HOXA3: variants seen among roughly 807,000 people sequenced by gnomAD.
The protein encoded by HOXA3 is homeobox A3, also known as homeobox protein Hox-A3.
Under a neutral mutation model 30.3 loss-of-function variants are expected in HOXA3, and 8 were observed. The ratio of observed to expected loss-of-function variants is 0.26; its 90% CI spans 0.15 to 0.48. The LOEUF (loss-of-function observed/expected upper bound fraction) is 0.48. Ranked by LOEUF, HOXA3 falls within the 20% of genes least tolerant of loss-of-function variation. The pLI, the probability that HOXA3 is intolerant of heterozygous loss-of-function variation, is 0.99. For missense variants in HOXA3, 653 were observed against 614.4 expected, an observed-to-expected ratio of 1.06 and a Z score of -0.66; for synonymous variants, 323 against 273.1, an observed-to-expected ratio of 1.18 and a Z score of -1.80.
At chr7:27,130,053 C>G in intron 2 of HOXA3, 6 of 1,511,836 alleles carry the variant, frequency 4.0e-6, no homozygotes, top group Non-Finnish European at 5.3e-6. Context: ...CCCTCCTGAC[C>G]CCGACCCTCG....
In HOXA3 at chr7:27,131,223, T is replaced by G. The variant is rs530894762; in HGVS notation, c.-389-4153A>C. On this transcript the variant is annotated intron_variant, in intron 2 of 5. Coordinates refer to ENST00000612286, the MANE Select transcript of HOXA3 (RefSeq NM_153631.3). ...AGCGCTGACCTCGGGCGCAACCCAGTCAGGCTTCGTGTCCTTCAGGGGTTC... is the reference window on the plus strand; with the variant it reads ...AGCGCTGACCTCGGGCGCAACCCAGGCAGGCTTCGTGTCCTTCAGGGGTTC... Among the ~76,000 whole-genome samples the G allele has an allele frequency of 7.2e-4, 110 of 152,334 alleles. 2 individuals are homozygous for G. Among genetic ancestry groups the G allele is most frequent in the Non-Finnish European group, 1.4e-3 (95 of 68,034 alleles).
intron 2 of HOXA3, chr7:27,129,387 C>G (rs1063494): frequency 6.2e-7 from 1 of 1,613,996 alleles, no homozygotes; most frequent in Non-Finnish European, 8.5e-7. Flanking sequence ...TCCACTTCAT[C>G]CTCCGGTTCT....
At position 27,143,128 on chromosome 7, in the gene HOXA3, C is replaced by T. The variant is rs202017218; in HGVS notation, c.-493-2942G>A. On this transcript the variant is annotated intron_variant, in intron 1 of 5. Transcript: ENST00000612286. ...CCGGGCTCGGCTCGCTCTGCGCACTCGCCTGCTCGCTGCTGGCAGGGGCGT... is the reference window on the plus strand; with the variant it reads ...CCGGGCTCGGCTCGCTCTGCGCACTTGCCTGCTCGCTGCTGGCAGGGGCGT... The T allele has an allele frequency of 3.7e-6, 6 of 1,606,854 alleles. No homozygotes were observed. The highest frequency in any genetic ancestry group is 1.3e-5 in the African/African-American group (1 of 74,164).
rs541863699 is a variant in HOXA3, at chr7:27,140,844, C to T, written c.-493-658G>A. 2.0e-5 allele frequency among the ~76,000 whole-genome samples: 3 copies of T among 152,244 alleles called. No homozygotes were observed. The East Asian group carries it at 5.8e-4, about 29-fold the overall frequency. ...CAGAGATGGACAGGGTGTTCTGGGGCTTTGGAACAGCCTACAGCTTTTTCC... is the reference window on the plus strand; with the variant it reads ...CAGAGATGGACAGGGTGTTCTGGGGTTTTGGAACAGCCTACAGCTTTTTCC... On this transcript the variant is annotated intron_variant, in intron 1 of 5. Coordinates refer to ENST00000612286, the MANE Select transcript of HOXA3 (RefSeq NM_153631.3).
At chr7:27,124,816 C>T (rs1426730930) in intron 3 of HOXA3, among the ~76,000 whole-genome samples, 6 of 152,182 alleles carry the variant, frequency 3.9e-5, no homozygotes, top group African/African-American at 1.4e-4. Context: ...GGGGCACATT[C>T]ATCCTTGCCC....
chr7:27,140,230 G>A (rs961400636), intron 1 of HOXA3, 44 bp from the exon 2 acceptor site: 13 of 152,088 alleles, frequency 8.5e-5, no homozygotes, highest in African/African-American at 2.9e-4. Flanking sequence ...GAGATTATAT[G>A]TTATGTGGTA....
At chr7:27,109,278 G>A (rs901932193) in intron 5 of HOXA3, among the ~76,000 whole-genome samples, 9 of 152,304 alleles carry the variant, frequency 5.9e-5, no homozygotes, top group African/African-American at 2.2e-4. Context: ...TTCTGGTGGG[G>A]AGGCCTAGGC....
At chr7:27,111,513 T>TGTGTGTGTGTGTGTGTGTGTG (rs1554336191) in intron 4 of HOXA3, among the ~76,000 whole-genome samples, 3 of 148,484 alleles carry the variant, frequency 2.0e-5, no homozygotes, top group South Asian at 2.2e-4. Context: ...TGTGTGTGTG[T>TGTGTGTGTGTGTGTGTGTGTG]TTAGGGTGAG....
chr7:27,145,446 GGTTTTGTTTT>G (rs142508258), intron 1 of HOXA3: 29,223 of 330,466 alleles, frequency 0.088, 1,604 homozygotes, highest in African/African-American at 0.19. Flanking sequence ...CTGTGTGTGA[GGTTTTGTTTT>G]GTTTTGTTTT....
At chr7:27,137,727 A>C (rs1440955804) in intron 2 of HOXA3, among the ~76,000 whole-genome samples, 2 of 152,200 alleles carry the variant, frequency 1.3e-5, no homozygotes, top group East Asian at 3.8e-4. Context: ...AATTCTACTT[A>C]AGTTTTGTGA....
intron 1 of HOXA3, chr7:27,150,229 G>A (rs1782923343): frequency 1.3e-5 from 2 of 151,932 alleles, no homozygotes; most frequent in Admixed American, 6.6e-5. Flanking sequence ...CCCTCCAAAG[G>A]GCCTCTCCTG....
chr7:27,137,346 T>G lies in HOXA3; in HGVS notation c.-390+2737A>C, dbSNP rs569325974. ...TAAGTAAGTGTGACCAGAAGCTTCC[T>G]GTTGTATTTATAGTTCAGAAATATT... On this transcript the variant is annotated intron_variant, in intron 2 of 5. Transcript: ENST00000612286. 2.9e-4 allele frequency among the ~76,000 whole-genome samples: 44 copies of G among 152,330 alleles called. 1 individual carries two copies. The South Asian group carries it at 5.2e-3, about 18-fold the overall frequency.
chr7:27,138,781 T>C (rs1280257539), intron 2 of HOXA3, among the ~76,000 whole-genome samples: 1 of 152,160 alleles, frequency 6.6e-6, no homozygotes, highest in Non-Finnish European at 1.5e-5. Context: ...AAATCATAGA[T>C]TATGTAAATT....
chr7:27,119,921 CCTAT>C (rs1784918527), intron 4 of HOXA3, among the ~76,000 whole-genome samples: 2 of 152,062 alleles, frequency 1.3e-5, no homozygotes, highest in Non-Finnish European at 2.9e-5. Flanking sequence ...TTTTCCAGCT[CCTAT>C]CTAAGTTACA....
intron 1 of HOXA3, chr7:27,141,788 T>C (rs1247665826): frequency 6.3e-7 from 1 of 1,595,464 alleles, no homozygotes; most frequent in South Asian, 1.1e-5. Context: ...GTACTGACAC[T>C]ACGCGGGATC....
chr7:27,147,702 G>A, intron 1 of HOXA3: 4 of 1,612,662 alleles, frequency 2.5e-6, no homozygotes, highest in Non-Finnish European at 3.4e-6. Flanking sequence ...AGTCCTGGCC[G>A]CTGGGAAGGC....
rs774936035 is a variant in HOXA3, at chr7:27,110,224, G to A, written c.417C>T (p.Asn139=). The A allele has an allele frequency of 6.2e-6, 10 of 1,613,998 alleles. No individual in the cohort carries two copies. Among genetic ancestry groups the A allele is most frequent in the South Asian group, 2.2e-5 (2 of 91,062 alleles). The part of the protein sequence containing the change: ...QNASNNPTPA[N]AAKSPLLNSP... ...AGTTGAGCAGGGGGCTCTTGGCCGC[G>A]TTGGCAGGGGTAGGGTTGTTGCTGG... Residue 139 remains asparagine (N), a synonymous_variant, in exon 5 of 6, where the codon AAC becomes AAT. Transcript: ENST00000612286.
At chr7:27,129,861 G>C in intron 2 of HOXA3, 1 of 605,500 alleles carries the variant, frequency 1.7e-6, no homozygotes, top group Non-Finnish European at 2.9e-6. Flanking sequence ...TAAATTTATG[G>C]GGGCTATAAT....
intron 1 of HOXA3, chr7:27,140,515 A>T (rs1257532907): frequency 6.6e-6 from 1 of 152,226 alleles, no homozygotes; most frequent in Non-Finnish European, 1.5e-5. Context: ...TGCTCTGAGG[A>T]GTTTCCCAAT....
Sources: gnomAD v4.1 joint callset for allele counts (sites outside exome capture counted in the v4.1 genomes callset) on GRCh38, gnomAD v4.1.1 for gene constraint, MANE v1.5 for transcripts, NCBI Gene and HGNC (gene_info 2026-07-23, HGNC 2026-07-21) for gene names.